The following ZFAND5 variants were observed in gnomAD, a reference collection of about 807,000 sequenced individuals.
ZFAND5 encodes zinc finger AN1-type containing 5.
In ZFAND5, 4 loss-of-function variants were observed where a neutral mutation model predicts 23.6. That is an observed-to-expected ratio of 0.17 (90% CI 0.08 to 0.39). The LOEUF is 0.39. Ranked by LOEUF, ZFAND5 falls within the 10% of genes least tolerant of loss-of-function variation. The pLI is 1.00. For missense variants in ZFAND5, 161 were observed against 253.7 expected, an observed-to-expected ratio of 0.63 and a Z score of 2.48; for synonymous variants, 68 against 80.6, an observed-to-expected ratio of 0.84 and a Z score of 0.84.
chr9:72,356,990 T>G lies in ZFAND5; in HGVS notation c.434A>C (p.Glu145Ala). Residue 145 changes from glutamate (E) to alanine (A), a missense_variant, in exon 6 of 7, where the codon GAA becomes GCA. Glu to Ala is a moderately radical substitution (Grantham distance 107). Transcript: ENST00000376962. The part of the protein sequence containing the change: ...STSQSEEKAP[E>A]LPKPKKNRCF... ...TCTGTTTTTCTTTGGTTTGGGCAATTCAGGAGCTTTTTCTTCACTCTGAGA... is the reference window on the plus strand; with the variant it reads ...TCTGTTTTTCTTTGGTTTGGGCAATGCAGGAGCTTTTTCTTCACTCTGAGA... 6.2e-7 allele frequency: 1 copy of G among 1,613,728 alleles called. No homozygotes were observed. Among genetic ancestry groups the G allele is most frequent in the Non-Finnish European group, 8.5e-7 (1 of 1,179,792 alleles).
Position 72,359,442 on chromosome 9 carries a change from G to C in ZFAND5, c.343C>G (p.Pro115Ala). The C allele has an allele frequency of 6.2e-7, 1 of 1,613,242 alleles. No individual in the cohort carries two copies. The highest frequency in any genetic ancestry group is 8.5e-7 in the Non-Finnish European group (1 of 1,179,564). ...SISREDKITT[P>A]KTEVSEPVVT... is the part of the protein sequence containing the mutation. ...CCTGGCTCTGACACCTCTGTTTTCG[G>C]GGTAGTTATTTTGTCCTCTCTTGAA... The change falls in exon 5 of 7, where the codon CCG becomes GCG. Residue 115 changes from proline (P) to alanine (A), a missense_variant. Transcript: ENST00000376962.
chr9:72,361,269 G>A (rs1842090069), intron 2 of ZFAND5, among the ~76,000 whole-genome samples: 1 of 152,192 alleles, frequency 6.6e-6, no homozygotes, highest in Non-Finnish European at 1.5e-5. Context: ...GGCTTCATCA[G>A]TAATTTGACA....
chr9:72,358,903 CTA>C (rs746599186), intron 5 of ZFAND5, among the ~76,000 whole-genome samples: 5 of 152,082 alleles, frequency 3.3e-5, no homozygotes, highest in Non-Finnish European at 5.9e-5. Flanking sequence ...TCTGGTTGTG[CTA>C]TATAAGCAAA....
In ZFAND5 at chr9:72,360,209, C is replaced by G. The variant is rs1394565409; in HGVS notation, c.164G>C (p.Gly55Ala). Residue 55 changes from glycine (G) to alanine (A), a missense_variant, in exon 4 of 7, where the codon GGT becomes GCT. Physicochemically the swap from Gly to Ala is moderately conservative, Grantham distance 60 (BLOSUM62 0). Transcript: ENST00000376962. ...GRMSPMGTAS[G>A]SNSPTSDSAS... ...AGAATCTGAGGTAGGACTGTTGGAA[C>G]CACTAGCTGTTCCTATTTAAAAAAA... 12 of 1,611,016 alleles carry G rather than the reference C, an allele frequency of 7.4e-6. No homozygotes were observed. The highest frequency in any genetic ancestry group is 1.0e-5 in the Non-Finnish European group (12 of 1,178,724).
rs988476227 is a variant in ZFAND5, at chr9:72,352,796, C to G, written c.*3157G>C. On this transcript the variant is annotated 3_prime_UTR_variant, in exon 7 of 7. Transcript: ENST00000376962. ...TTAAGACAATAGCAAATACAATGTGCCAGGCACAGTTTTAAGTGTTGTCAC... is the reference window on the plus strand; with the variant it reads ...TTAAGACAATAGCAAATACAATGTGGCAGGCACAGTTTTAAGTGTTGTCAC... The G allele has an allele frequency of 6.6e-5, 10 of 152,182 alleles. No homozygotes were observed. Among genetic ancestry groups the G allele is most frequent in the Admixed American group, 5.2e-4 (8 of 15,282 alleles). 9.4% of individuals were successfully genotyped at this position (152,182 alleles called of 1,614,324 possible).
intron 2 of ZFAND5, among the ~76,000 whole-genome samples, chr9:72,362,089 G>A (rs1842121463): frequency 6.6e-6 from 1 of 152,190 alleles, no homozygotes; most frequent in African/African-American, 2.4e-5. Flanking sequence ...AAGTAAAAGT[G>A]CACCATACAA....
intron 2 of ZFAND5, 33 bp from the exon 3 acceptor site, chr9:72,360,820 T>A (rs11143275): frequency 0.061 from 94,656 of 1,563,188 alleles, 3,376 homozygotes; most frequent in Non-Finnish European, 0.069. Context: ...GAAATTAGTG[T>A]TATCACCAAA....
At position 72,354,305 on chromosome 9, in the gene ZFAND5, C is replaced by T. The variant is rs1841871803; in HGVS notation, c.*1648G>A. 1.3e-5 allele frequency: 2 copies of T among 152,268 alleles called. No homozygotes were observed. The highest frequency in any genetic ancestry group is 4.8e-5 in the African/African-American group (2 of 41,422). 9.4% of individuals were successfully genotyped at this position (152,268 alleles called of 1,614,324 possible). A position where few individuals can be genotyped will look rare whatever the true frequency, so the allele number is the denominator to read the frequency against. On this transcript the variant is annotated 3_prime_UTR_variant, in exon 7 of 7. Transcript: ENST00000376962. Reference sequence around the variant, plus strand: ...AATAAACTGCCTATCAGGTATCATACCTGCAAATGCTTCTAATATCTCTTG... The same window carrying T: ...AATAAACTGCCTATCAGGTATCATATCTGCAAATGCTTCTAATATCTCTTG...
intron 1 of ZFAND5, chr9:72,364,272 C>T (rs961541521): frequency 3.8e-6 from 2 of 525,676 alleles, no homozygotes; most frequent in South Asian, 4.7e-5. Flanking sequence ...ATCCCCGACC[C>T]CCGACCCCCG....
chr9:72,360,375 T>A, intron 3 of ZFAND5, 154 bp from the exon 4 acceptor site: 1 of 843,170 alleles, frequency 1.2e-6, no homozygotes, highest in Non-Finnish European at 1.8e-6. Flanking sequence ...ACAAAAAATA[T>A]TAAAAAGTCA....
Position 72,351,542 on chromosome 9 carries a change from A to G in ZFAND5, c.*4411T>C, listed in dbSNP as rs2131963113. On this transcript the variant is annotated 3_prime_UTR_variant, in exon 7 of 7. Transcript: ENST00000376962. ...ATAAATTTAAAACCAGCACTTGTGC[A>G]TAGAAATAGCTATAAAATATTAAAT... 1 of 152,256 alleles carries G rather than the reference A, an allele frequency of 6.6e-6. No individual in the cohort carries two copies. Among genetic ancestry groups the G allele is most frequent in the Admixed American group, 6.5e-5 (1 of 15,298 alleles). The allele number at this position is 152,256 out of a possible 1,614,324, so 9.4% of individuals were successfully genotyped here.
At position 72,354,119 on chromosome 9, in the gene ZFAND5, T is replaced by A. The variant is rs1473606258; in HGVS notation, c.*1834A>T. 1 of 152,222 alleles carries A rather than the reference T, an allele frequency of 6.6e-6. No homozygotes were observed. The highest frequency in any genetic ancestry group is 1.5e-5 in the Non-Finnish European group (1 of 68,032). The allele number at this position is 152,222 out of a possible 1,614,324, so 9.4% of individuals were successfully genotyped here. A position where few individuals can be genotyped will look rare whatever the true frequency, so the allele number is the denominator to read the frequency against. On this transcript the variant is annotated 3_prime_UTR_variant, in exon 7 of 7. Transcript: ENST00000376962. The stretch of plus-strand genomic sequence containing the variant: ...CCAAAACAGAAATAAAACAGAACTC[T>A]TTTTGTAAACTAAGTCATACCTACT...
Position 72,355,891 on chromosome 9 carries a change from T to C in ZFAND5, c.*62A>G. On this transcript the variant is annotated 3_prime_UTR_variant, in exon 7 of 7. Coordinates refer to ENST00000376962, the MANE Select transcript of ZFAND5 (RefSeq NM_001102420.3). ...GAAAAATGGCCATGCATCTGCTCTT[T>C]AATGTTTTCCTACGATATATTAAAA... 2.0e-6 allele frequency: 3 copies of C among 1,511,598 alleles called. No individual in the cohort carries two copies. Among genetic ancestry groups the C allele is most frequent in the South Asian group, 2.5e-5 (2 of 78,838 alleles). The allele number at this position is 1,511,598 out of a possible 1,614,324, so 93.6% of individuals were successfully genotyped here. A position where few individuals can be genotyped will look rare whatever the true frequency, so the allele number is the denominator to read the frequency against.
At position 72,360,115 on chromosome 9, in the gene ZFAND5, T is replaced by C; in HGVS notation, c.258A>G (p.Lys86=). Residue 86 remains lysine, a synonymous_variant, in exon 4 of 7, where the codon AAA becomes AAG. Coordinates refer to ENST00000376962, the MANE Select transcript of ZFAND5 (RefSeq NM_001102420.3). ...TCTGAAACGTTCAATCTTACCTTGA[T>C]TTTTCAGATGTGCTGCCAGCAGCAC... is the stretch of plus-strand genomic sequence containing the variant. ...CEGAAGSTSE[K]SRNVPVAALP... 3 of 1,609,554 alleles carry C rather than the reference T, an allele frequency of 1.9e-6. No individual in the cohort carries two copies. The highest frequency in any genetic ancestry group is 2.5e-6 in the Non-Finnish European group (3 of 1,178,344).
At chr9:72,356,638 G>C in intron 6 of ZFAND5, among the ~76,000 whole-genome samples, 1 of 152,134 alleles carries the variant, frequency 6.6e-6, no homozygotes, top group South Asian at 2.1e-4. Context: ...GCTCAAAGTA[G>C]GTGGCGCTTA....
intron 5 of ZFAND5, among the ~76,000 whole-genome samples, chr9:72,357,573 G>A (rs1015179255): frequency 3.3e-5 from 5 of 151,974 alleles, no homozygotes; most frequent in Admixed American, 1.3e-4. Flanking sequence ...CTAAATCAAC[G>A]TCAGATCCAA....
intron 2 of ZFAND5, among the ~76,000 whole-genome samples, chr9:72,362,077 G>T (rs370161999): frequency 6.6e-6 from 1 of 152,322 alleles, no homozygotes; most frequent in Admixed American, 6.5e-5. Context: ...CTTCCCTTTT[G>T]TAAGTAAAAG....
At chr9:72,361,637 T>C (rs1314275769) in intron 2 of ZFAND5, among the ~76,000 whole-genome samples, 1 of 152,244 alleles carries the variant, frequency 6.6e-6, no homozygotes, top group Non-Finnish European at 1.5e-5. Context: ...TAATGGTTAA[T>C]ATTCAATGCT....
intron 5 of ZFAND5, among the ~76,000 whole-genome samples, chr9:72,357,732 G>T (rs1347493671): frequency 6.6e-6 from 1 of 152,002 alleles, no homozygotes; most frequent in Non-Finnish European, 1.5e-5. Flanking sequence ...AAACTATTAA[G>T]GATTCCACAG....
Sources: gnomAD v4.1 joint callset for allele counts (sites outside exome capture counted in the v4.1 genomes callset) on GRCh38, gnomAD v4.1.1 for gene constraint, MANE v1.5 for transcripts, NCBI Gene and HGNC (gene_info 2026-07-23, HGNC 2026-07-21) for gene names.